The following SMYD3 variants were observed in gnomAD, a reference collection of about 807,000 sequenced individuals.
SMYD3 encodes the protein histone-lysine N-methyltransferase SMYD3.
A neutral mutation model predicts 57.7 loss-of-function variants in SMYD3; 36 were observed. The observed-to-expected ratio is 0.62, with a 90% CI of 0.48 to 0.82. SMYD3 has a LOEUF of 0.82. Ranked by LOEUF, SMYD3 falls within the 40% of genes least tolerant of loss-of-function variation. SMYD3 has a pLI of 0.00. For missense variants in SMYD3, 515 were observed against 538.8 expected (o/e 0.96, Z 0.44); for synonymous variants, 211 against 195.0 (o/e 1.08, Z -0.68).
At chr1:245,770,459 A>C (rs2046290985) in intron 10 of SMYD3, among the ~76,000 whole-genome samples, 1 of 152,250 alleles carries the variant, frequency 6.6e-6, no homozygotes, top group Non-Finnish European at 1.5e-5. Context: ...AGCCATTACA[A>C]AGAATGAATC....
At chr1:246,466,882 A>T (rs182609392) in intron 1 of SMYD3, among the ~76,000 whole-genome samples, 2,485 of 151,914 alleles carry the variant, frequency 0.016, 33 homozygotes, top group Non-Finnish European at 0.024. Context: ...TTTTTTTTTA[A>T]AAATGCTGGG....
intron 5 of SMYD3, among the ~76,000 whole-genome samples, chr1:246,080,105 C>T (rs1273934258): frequency 6.6e-6 from 1 of 152,054 alleles, no homozygotes; most frequent in African/African-American, 2.4e-5. Flanking sequence ...ATTTAGGATC[C>T]CTAAATTTAT....
chr1:246,305,517 T>C (rs535809405), intron 5 of SMYD3, among the ~76,000 whole-genome samples: 34 of 152,304 alleles, frequency 2.2e-4, no homozygotes, highest in African/African-American at 7.9e-4. Flanking sequence ...TATTTTCTCA[T>C]AAATCTGCTT....
At chr1:246,480,771 C>G (rs1231989637) in intron 1 of SMYD3, among the ~76,000 whole-genome samples, 2 of 152,100 alleles carry the variant, frequency 1.3e-5, no homozygotes, top group African/African-American at 4.8e-5. Context: ...ATGCAATTAT[C>G]CAAGTTACCT....
chr1:245,848,632 G>T (rs1020077721), intron 10 of SMYD3, among the ~76,000 whole-genome samples: 8 of 151,352 alleles, frequency 5.3e-5, no homozygotes, highest in Non-Finnish European at 1.2e-4. Context: ...GGTCTGTCTT[G>T]AACTCCTGGG....
At chr1:246,143,290 G>A (rs1247687616) in intron 5 of SMYD3, among the ~76,000 whole-genome samples, 3 of 152,142 alleles carry the variant, frequency 2.0e-5, no homozygotes, top group Non-Finnish European at 2.9e-5. Flanking sequence ...CAAAACAGGT[G>A]CCTTTCTTTG....
intron 5 of SMYD3, among the ~76,000 whole-genome samples, chr1:246,307,413 CTTTTT>C (rs869254416): frequency 4.2e-5 from 4 of 96,082 alleles, no homozygotes; most frequent in Admixed American, 2.6e-4. Context: ...TTAGGGGATT[CTTTTT>C]TTTTTTTTTT....
Position 246,006,488 on chromosome 1 carries a change from T to G in SMYD3, c.532-76551A>C, listed in dbSNP as rs560577141. On this transcript the variant is annotated intron_variant, in intron 5 of 11. Coordinates refer to ENST00000490107, the MANE Select transcript of SMYD3 (RefSeq NM_001167740.2). ...TAATGTGAGAAGCCCTTACTGCACA[T>G]CTGTCTTTCCCCACATACTTACAAA... Among the ~76,000 whole-genome samples the G allele has an allele frequency of 1.2e-3, 186 of 152,276 alleles. 1 individual carries two copies. Among genetic ancestry groups the G allele is most frequent in the African/African-American group, 4.3e-3 (180 of 41,548 alleles).
chr1:246,423,923 C>T (rs572537645), intron 1 of SMYD3, among the ~76,000 whole-genome samples: 1 of 151,952 alleles, frequency 6.6e-6, no homozygotes, highest in Admixed American at 6.5e-5. Context: ...TGATGAAAGA[C>T]AGAACAAAAA....
intron 5 of SMYD3, among the ~76,000 whole-genome samples, chr1:246,065,284 T>C (rs1339639536): frequency 6.6e-6 from 1 of 152,236 alleles, no homozygotes; most frequent in African/African-American, 2.4e-5. Flanking sequence ...CCATATTTTC[T>C]TCACAAGACT....
chr1:245,806,526 T>C (rs2048150311), intron 10 of SMYD3, among the ~76,000 whole-genome samples: 2 of 152,202 alleles, frequency 1.3e-5, no homozygotes. Context: ...CCTTCCTTGC[T>C]ATGCTATATT....
chr1:246,081,372 T>C (rs2060635032), intron 5 of SMYD3, among the ~76,000 whole-genome samples: 1 of 152,070 alleles, frequency 6.6e-6, no homozygotes, highest in South Asian at 2.1e-4. Context: ...AGACTTTTTG[T>C]TGTTGTTTGT....
At position 245,803,819 on chromosome 1, in the gene SMYD3, G is replaced by A. The variant is rs769625574; in HGVS notation, c.1077-39670C>T. On this transcript the variant is annotated intron_variant, in intron 10 of 11. Coordinates refer to ENST00000490107, the MANE Select transcript of SMYD3 (RefSeq NM_001167740.2). ...CCAACAGAAGAGGGAACAGAGAGAT[G>A]CAGAGAAACAATGTCCTATTGGATC... Among the ~76,000 whole-genome samples, 121 of 152,208 alleles carry A rather than the reference G, an allele frequency of 7.9e-4. 2 individuals carry two copies. The highest frequency in any genetic ancestry group is 1.6e-4 in the Non-Finnish European group (11 of 68,016).
intron 5 of SMYD3, among the ~76,000 whole-genome samples, chr1:246,247,204 C>A (rs2063718304): frequency 6.6e-6 from 1 of 151,882 alleles, no homozygotes; most frequent in African/African-American, 2.4e-5. Flanking sequence ...TAACGAATTG[C>A]CAGATGCTGG....
chr1:246,441,902 G>A (rs114814209), intron 1 of SMYD3, among the ~76,000 whole-genome samples: 3,382 of 152,256 alleles, frequency 0.022, 86 homozygotes, highest in African/African-American at 0.06. Context: ...GTGAACTTAC[G>A]CGCCCCACCT....
At chr1:246,245,053 C>T (rs1054399336) in intron 5 of SMYD3, among the ~76,000 whole-genome samples, 4 of 151,126 alleles carry the variant, frequency 2.6e-5, no homozygotes, top group African/African-American at 4.9e-5. Context: ...TCATAAATTC[C>T]ACTACGGCTA....
At position 246,459,060 on chromosome 1, in the gene SMYD3, G is replaced by C. The variant is rs191726999; in HGVS notation, c.164+47994C>G. On this transcript the variant is annotated intron_variant, in intron 1 of 11. Transcript: ENST00000490107. ...GTGTTGAAGGAGGGGCCTGATGGGG[G>C]GGTGACTGAATCATGGGGGCAGACT... Among the ~76,000 whole-genome samples, 1,058 of 152,102 alleles carry C rather than the reference G, an allele frequency of 7.0e-3. 10 individuals carry two copies. The highest frequency in any genetic ancestry group is 9.8e-3 in the South Asian group (47 of 4,806).
intron 1 of SMYD3, among the ~76,000 whole-genome samples, chr1:246,383,736 T>C (rs1039410677): frequency 1.3e-5 from 2 of 152,132 alleles, no homozygotes; most frequent in Non-Finnish European, 2.9e-5. Context: ...CCGAGGTGGG[T>C]TGATCACTTG....
intron 5 of SMYD3, among the ~76,000 whole-genome samples, chr1:246,044,970 C>G (rs937774462): frequency 7.2e-5 from 11 of 151,952 alleles, no homozygotes; most frequent in Non-Finnish European, 1.6e-4. Context: ...CACTGCTCAA[C>G]GAAATAAAAG....
Sources: gnomAD v4.1 joint callset for allele counts (sites outside exome capture counted in the v4.1 genomes callset) on GRCh38, gnomAD v4.1.1 for gene constraint, MANE v1.5 for transcripts, NCBI Gene and HGNC (gene_info 2026-07-23, HGNC 2026-07-21) for gene names.